CUBN: variants seen among roughly 807,000 people sequenced by gnomAD.
The protein encoded by CUBN is 460 kDa receptor.
CUBN carries 282 observed loss-of-function variants against 405.3 expected under a neutral mutation model. The observed-to-expected ratio is 0.70, with a 90% CI of 0.63 to 0.77. CUBN has a LOEUF of 0.77. CUBN is among the 30% of genes least tolerant of loss of function. The pLI is 0.00. For synonymous variants in CUBN, 1,684 were observed against 1,617.0 expected (o/e 1.04, Z -0.99); for missense variants, 4,514 against 4,475.2 (o/e 1.01, Z -0.25).
chr10:17,103,249 A>T lies in CUBN; in HGVS notation c.1418-12T>A, dbSNP rs1225640483. 9 of 1,518,866 alleles carry T rather than the reference A, an allele frequency of 5.9e-6. No individual in the cohort carries two copies. Among genetic ancestry groups the T allele is most frequent in the African/African-American group, 1.4e-5 (1 of 73,162 alleles). The allele number at this position is 1,518,866 out of a possible 1,614,324, so 94.1% of individuals were successfully genotyped here. On this transcript the variant is annotated splice_polypyrimidine_tract_variant and intron_variant, in intron 12 of 66. Coordinates refer to ENST00000377833, the MANE Select transcript of CUBN (RefSeq NM_001081.4). Reference sequence around the variant, plus strand: ...GGACTCTCCACAAACTGCAAAGGAAAAGATGAACTGTGCTTTTCAGAGGTT... The same window carrying T: ...GGACTCTCCACAAACTGCAAAGGAATAGATGAACTGTGCTTTTCAGAGGTT...
At chr10:16,911,130 G>A (rs1290367472) in intron 48 of CUBN, among the ~76,000 whole-genome samples, 2 of 152,208 alleles carry the variant, frequency 1.3e-5, no homozygotes, top group South Asian at 2.1e-4. Context: ...ACAGAAGGTA[G>A]AGATGCACAT....
chr10:16,834,999 T>C lies in CUBN; in HGVS notation c.10362+15A>G, dbSNP rs1446281393. 1 of 1,607,960 alleles carries C rather than the reference T, an allele frequency of 6.2e-7. No homozygotes were observed. Among genetic ancestry groups the C allele is most frequent in the Non-Finnish European group, 8.5e-7 (1 of 1,174,410 alleles). On this transcript the variant is annotated intron_variant, in intron 64 of 66. Transcript: ENST00000377833. ...TTTAAATAATTCATTCAAACGATAT[T>C]CAAATGCATATCACCTCCAAGAAAT...
intron 56 of CUBN, among the ~76,000 whole-genome samples, chr10:16,882,115 A>G (rs915836307): frequency 6.6e-6 from 1 of 152,222 alleles, no homozygotes; most frequent in Non-Finnish European, 1.5e-5. Flanking sequence ...AAACTTCTTC[A>G]AGAAGCAAGA....
At chr10:16,943,606 C>T (rs1213524775) in intron 36 of CUBN, among the ~76,000 whole-genome samples, 1 of 152,174 alleles carries the variant, frequency 6.6e-6, no homozygotes, top group East Asian at 1.9e-4. Context: ...AAAGGGAGAT[C>T]ATTTTCCTCA....
intron 28 of CUBN, among the ~76,000 whole-genome samples, chr10:16,998,000 C>G (rs7071003): frequency 0.21 from 32,588 of 151,678 alleles, 3,635 homozygotes; most frequent in East Asian, 0.3. Context: ...CTGGAGTGAT[C>G]ACGAGATGAA....
intron 54 of CUBN, among the ~76,000 whole-genome samples, chr10:16,891,915 A>T (rs2796839): frequency 4.6e-5 from 7 of 151,930 alleles, no homozygotes; most frequent in Non-Finnish European, 5.9e-5. Flanking sequence ...TGCCCTTTCT[A>T]TCAACAGACA....
chr10:17,073,674 A>C (rs538542576), intron 17 of CUBN, among the ~76,000 whole-genome samples: 1 of 151,494 alleles, frequency 6.6e-6, no homozygotes, highest in East Asian at 1.9e-4. Flanking sequence ...TCAAACTCCC[A>C]ATCTCAGGTG....
intron 10 of CUBN, among the ~76,000 whole-genome samples, chr10:17,107,392 G>C (rs967779876): frequency 2.0e-5 from 3 of 151,818 alleles, no homozygotes; most frequent in African/African-American, 7.3e-5. Flanking sequence ...AGCAAGAACT[G>C]TTAAAGATGG....
At chr10:16,999,262 T>C (rs1327902444) in intron 28 of CUBN, among the ~76,000 whole-genome samples, 2 of 152,170 alleles carry the variant, frequency 1.3e-5, no homozygotes, top group Non-Finnish European at 2.9e-5. Context: ...TAGTACATCA[T>C]CAAAGAGAAA....
chr10:17,027,700 T>C (rs1250177996), intron 27 of CUBN, among the ~76,000 whole-genome samples: 1 of 152,180 alleles, frequency 6.6e-6, no homozygotes, highest in Non-Finnish European at 1.5e-5. Flanking sequence ...CCTGGCCTAC[T>C]AAAAATATTA....
In CUBN at chr10:17,041,089, T is replaced by C; in HGVS notation, c.3961A>G (p.Thr1321Ala). The C allele has an allele frequency of 1.2e-6, 2 of 1,613,872 alleles. No individual in the cohort carries two copies. The highest frequency in any genetic ancestry group is 1.7e-6 in the Non-Finnish European group (2 of 1,179,802). The change falls in exon 27 of 67, where the codon ACA (threonine) becomes GCA (alanine). Residue 1321 changes from threonine to alanine, a missense_variant. Coordinates refer to ENST00000377833, the MANE Select transcript of CUBN (RefSeq NM_001081.4). ...RATTGNTVNY[T>A]FLAFDLEHHI... is the part of the protein sequence containing the mutation. ...TGTTCCAAGTCAAATGCTAAAAATG[T>C]GTAGTTCACAGTGTTGCCTGTTGTT... is the stretch of plus-strand genomic sequence containing the variant.
chr10:17,122,577 C>T, intron 6 of CUBN: 1 of 601,582 alleles, frequency 1.7e-6, no homozygotes, highest in Non-Finnish European at 3.2e-6. Context: ...GATGTTAGAG[C>T]AAGGATTTCT....
chr10:17,058,328 A>G (rs1425563012), intron 22 of CUBN, among the ~76,000 whole-genome samples: 2 of 152,036 alleles, frequency 1.3e-5, no homozygotes, highest in Non-Finnish European at 2.9e-5. Flanking sequence ...AGGTAGTTAA[A>G]TGGGTGTACA....
At chr10:17,053,334 G>A (rs1835316130) in intron 22 of CUBN, among the ~76,000 whole-genome samples, 1 of 151,810 alleles carries the variant, frequency 6.6e-6, no homozygotes, top group Non-Finnish European at 1.5e-5. Flanking sequence ...ATATAATGAT[G>A]CCATTATATA....
intron 6 of CUBN, among the ~76,000 whole-genome samples, chr10:17,120,631 G>A (rs1234725966): frequency 2.6e-5 from 4 of 151,550 alleles, no homozygotes; most frequent in Admixed American, 2.6e-4. Context: ...TTTCCTCCTA[G>A]CTCTCATTCT....
intron 3 of CUBN, among the ~76,000 whole-genome samples, chr10:17,127,181 T>C (rs867041624): frequency 7.4e-4 from 109 of 146,948 alleles, no homozygotes; most frequent in South Asian, 3.2e-3. Context: ...TCTTTCTTTC[T>C]CTCTCTCTCT....
At chr10:17,000,492 G>A (rs1381664389) in intron 28 of CUBN, among the ~76,000 whole-genome samples, 1 of 152,208 alleles carries the variant, frequency 6.6e-6, no homozygotes, top group Admixed American at 6.5e-5. Context: ...GTGTCACTTA[G>A]TGGGAAGCCT....
intron 60 of CUBN, among the ~76,000 whole-genome samples, chr10:16,844,514 T>C (rs1371284192): frequency 6.6e-6 from 1 of 152,164 alleles, no homozygotes; most frequent in Non-Finnish European, 1.5e-5. Flanking sequence ...TGATGTAAGA[T>C]CAGATTTGGG....
At chr10:16,906,164 G>A (rs568068097) in intron 50 of CUBN, 39 bp downstream of exon 50, 2 of 1,412,370 alleles carry the variant, frequency 1.4e-6, no homozygotes, top group South Asian at 1.2e-5. Context: ...AAAGAATATT[G>A]TAGATAAATG....
Sources: allele counts gnomAD v4.1 joint callset (sites outside exome capture counted in the v4.1 genomes callset), GRCh38; gene constraint gnomAD v4.1.1; transcripts MANE v1.5; gene names NCBI Gene and HGNC (gene_info 2026-07-23, HGNC 2026-07-21).